Variants in TRIP4 observed in about 807,000 individuals in gnomAD.
TRIP4 encodes the protein activating signal cointegrator 1.
TRIP4 carries 54 observed loss-of-function variants against 81.8 expected under a neutral mutation model. The ratio of observed to expected loss-of-function variants is 0.66; its 90% CI spans 0.53 to 0.83. The LOEUF is 0.83. TRIP4 is among the 40% of genes least tolerant of loss of function. The pLI is 0.00. For synonymous variants in TRIP4, 270 were observed against 242.8 expected, an observed-to-expected ratio of 1.11 and a Z score of -1.04; for missense variants, 662 against 683.6, an observed-to-expected ratio of 0.97 and a Z score of 0.35.
At chr15:64,391,153 A>G (rs1396898096) in intron 1 of TRIP4, among the ~76,000 whole-genome samples, 1 of 151,842 alleles carries the variant, frequency 6.6e-6, no homozygotes, top group African/African-American at 2.4e-5. Context: ...CAGAGCTATT[A>G]ACTTTTTTTT....
chr15:64,445,039 T>A lies in TRIP4; in HGVS notation c.1609T>A (p.Phe537Ile). 6.2e-7 allele frequency: 1 copy of A among 1,601,778 alleles called. No individual in the cohort carries two copies. Among genetic ancestry groups the A allele is most frequent in the South Asian group, 1.1e-5 (1 of 89,960 alleles). Residue 537 changes from phenylalanine to isoleucine, a missense_variant, in exon 12 of 13, where the codon TTT becomes ATT. Transcript: ENST00000261884. Reference sequence around the variant, plus strand: ...CATCAGTCAAGAGTCTGATTCTCCATTTGTTTTCATCTGCAAAAATCCTCA... The same window carrying A: ...CATCAGTCAAGAGTCTGATTCTCCAATTGTTTTCATCTGCAAAAATCCTCA... ...PDISQESDSP[F>I]VFICKNPQEM...
chr15:64,411,830 C>A (rs1891771527), intron 7 of TRIP4, among the ~76,000 whole-genome samples: 2 of 152,054 alleles, frequency 1.3e-5, no homozygotes. Context: ...CCAACGCCCG[C>A]CACCACGCCT....
intron 11 of TRIP4, among the ~76,000 whole-genome samples, chr15:64,432,892 CAG>C (rs972728218): frequency 4.9e-4 from 75 of 151,972 alleles, no homozygotes; most frequent in African/African-American, 1.7e-3. Flanking sequence ...GCCTGGGCAA[CAG>C]AGCAAGACTC....
rs116390166 is a variant in TRIP4 at position 64,390,203 on chromosome 15, T to C, written c.101+2239T>C. On this transcript the variant is annotated intron_variant, in intron 1 of 12. Coordinates refer to ENST00000261884, the MANE Select transcript of TRIP4 (RefSeq NM_016213.5). ...GTGGCCAGGCGCAGTGGTTCATGTG[T>C]GTAATCTAAGCACTTTGGGAGGCCG... Among the ~76,000 whole-genome samples, 1,331 of 150,362 alleles carry C rather than the reference T, an allele frequency of 8.9e-3. 22 individuals carry two copies. Among genetic ancestry groups the C allele is most frequent in the African/African-American group, 0.031 (1,277 of 41,078 alleles).
At chr15:64,425,065 C>T (rs1892110833) in intron 10 of TRIP4, among the ~76,000 whole-genome samples, 1 of 152,182 alleles carries the variant, frequency 6.6e-6, no homozygotes, top group Non-Finnish European at 1.5e-5. Context: ...GTGTGAGCTA[C>T]TGAGCCCGGC....
intron 11 of TRIP4, among the ~76,000 whole-genome samples, chr15:64,440,620 A>G (rs1305947021): frequency 6.6e-6 from 1 of 152,186 alleles, no homozygotes; most frequent in African/African-American, 2.4e-5. Flanking sequence ...CTTGAAGTTC[A>G]GTGCTAGTAG....
intron 9 of TRIP4, among the ~76,000 whole-genome samples, chr15:64,422,241 G>T (rs573926217): frequency 6.6e-6 from 1 of 152,262 alleles, no homozygotes; most frequent in South Asian, 2.1e-4. Context: ...AGGTAAAATG[G>T]ATTGCCCTGA....
rs1344648666 is a variant in TRIP4, at chr15:64,431,855, T to A, written c.1575+6224T>A. 2.3e-5 allele frequency among the ~76,000 whole-genome samples: 3 copies of A among 131,754 alleles called. 1 individual carries two copies. Among genetic ancestry groups the A allele is most frequent in the African/African-American group, 9.1e-5 (3 of 32,974 alleles). The allele number at this position is 131,754 out of a possible 152,430, so 86.4% of individuals were successfully genotyped here. ...ATTATATATATATATATATTTTTTT[T>A]ATCCAAAGAGCATTGTGTTTTCTTT... On this transcript the variant is annotated intron_variant, in intron 11 of 12. Transcript: ENST00000261884.
intron 11 of TRIP4, among the ~76,000 whole-genome samples, chr15:64,431,062 G>C (rs1284016283): frequency 6.6e-6 from 1 of 152,160 alleles, no homozygotes; most frequent in East Asian, 1.9e-4. Flanking sequence ...GAAATCATCA[G>C]CTTCTATCAC....
At chr15:64,399,713 G>T (rs931112280) in intron 4 of TRIP4, among the ~76,000 whole-genome samples, 1 of 151,666 alleles carries the variant, frequency 6.6e-6, no homozygotes, top group Admixed American at 6.6e-5. Context: ...TATTGACCAC[G>T]CTCAATTGAA....
chr15:64,400,916 C>A, intron 5 of TRIP4, 95 bp downstream of exon 5: 2 of 996,244 alleles, frequency 2.0e-6, no homozygotes, highest in Non-Finnish European at 3.1e-6. Flanking sequence ...GTGCAAGATG[C>A]AGTTTATTCA....
At chr15:64,416,943 T>G (rs1891901046) in intron 8 of TRIP4, among the ~76,000 whole-genome samples, 1 of 152,222 alleles carries the variant, frequency 6.6e-6, no homozygotes, top group Admixed American at 6.5e-5. Flanking sequence ...ACTGAAATCT[T>G]TAGGGGTTAA....
rs747139324 is a variant in TRIP4, at chr15:64,397,832, T to C, written c.618+14T>C. On this transcript the variant is annotated intron_variant, in intron 4 of 12. Transcript: ENST00000261884. ...TGTGGCACTCTGGTAAATTATTTCT[T>C]TTCTATTTTATTTTACTGTGCTTTG... The C allele has an allele frequency of 6.2e-6, 10 of 1,612,878 alleles. No homozygotes were observed. The Middle Eastern group carries it at 4.9e-4, about 80-fold the overall frequency.
chr15:64,449,681 G>A (rs908206770), intron 12 of TRIP4, among the ~76,000 whole-genome samples: 1 of 152,046 alleles, frequency 6.6e-6, no homozygotes, highest in Non-Finnish European at 1.5e-5. Context: ...TTGACCTTAA[G>A]GTAATTGTGT....
In TRIP4 at chr15:64,409,740, G is replaced by A. The variant is rs773115996; in HGVS notation, c.955G>A (p.Ala319Thr). The change falls in exon 7 of 13, where the codon GCC becomes ACC. Residue 319 changes from alanine to threonine, a missense_variant. By Grantham distance (58) the Ala-to-Thr change is moderately conservative. Coordinates refer to ENST00000261884, the MANE Select transcript of TRIP4 (RefSeq NM_016213.5). ...REEELRELRH[A>T]SRLSKKVTID... ...GGAGGAGCTGAGAGAACTTCGACAC[G>A]CCTCTCGACTTTCTAAGAAGGTCAC... The A allele has an allele frequency of 1.1e-5, 17 of 1,613,944 alleles. No homozygotes were observed. The Middle Eastern group carries it at 4.9e-4, about 47-fold the overall frequency.
chr15:64,402,225 A>ATTTT (rs759068935), intron 5 of TRIP4, among the ~76,000 whole-genome samples: 1 of 142,204 alleles, frequency 7.0e-6, no homozygotes, highest in Admixed American at 7.1e-5. Context: ...GGTTAAGGAC[A>ATTTT]TTTTTTTTTT....
intron 8 of TRIP4, among the ~76,000 whole-genome samples, chr15:64,415,176 G>A (rs77197632): frequency 0.013 from 1,975 of 152,052 alleles, 33 homozygotes; most frequent in African/African-American, 0.046. Context: ...TGAATTGTAG[G>A]AACAAAGGCA....
At chr15:64,442,921 G>A (rs1892550417) in intron 11 of TRIP4, among the ~76,000 whole-genome samples, 1 of 151,360 alleles carries the variant, frequency 6.6e-6, no homozygotes, top group Non-Finnish European at 1.5e-5. Context: ...AACCCAGGAG[G>A]CAGAGGTTGC....
chr15:64,449,663 G>C (rs1351059835), intron 12 of TRIP4, among the ~76,000 whole-genome samples: 1 of 152,104 alleles, frequency 6.6e-6, no homozygotes. Flanking sequence ...GTGTAAATTT[G>C]AGTTTGCTTG....
Sources: gnomAD v4.1 joint callset for allele counts (sites outside exome capture counted in the v4.1 genomes callset) on GRCh38, gnomAD v4.1.1 for gene constraint, MANE v1.5 for transcripts, NCBI Gene and HGNC (gene_info 2026-07-23, HGNC 2026-07-21) for gene names.